RNF220: variants seen among roughly 807,000 people sequenced by gnomAD.
RNF220 encodes the protein E3 ubiquitin-protein ligase RNF220.
RNF220 carries 7 observed loss-of-function variants against 67.1 expected under a neutral mutation model. The ratio of observed to expected loss-of-function variants is 0.10; its 90% confidence interval spans 0.06 to 0.20. The LOEUF is 0.20. Ranked by LOEUF, RNF220 falls within the 10% of genes least tolerant of loss-of-function variation. The pLI, the probability that RNF220 is intolerant of heterozygous loss-of-function variation, is 1.00. For missense variants in RNF220, 565 were observed against 740.3 expected (o/e 0.76, Z 2.75); for synonymous variants, 270 against 283.2 (o/e 0.95, Z 0.47).
chr1:44,543,542 TGA>T (rs140500286), intron 2 of RNF220, among the ~76,000 whole-genome samples: 3 of 149,360 alleles, frequency 2.0e-5, no homozygotes, highest in Admixed American at 6.7e-5. Flanking sequence ...GCAGGGAGAA[TGA>T]GAGAGAGAGA....
chr1:44,650,009 G>A lies in RNF220; in HGVS notation c.1629+52G>A. The A allele has an allele frequency of 1.3e-6, 2 of 1,574,846 alleles. No individual in the cohort carries two copies. The highest frequency in any genetic ancestry group is 1.1e-5 in the South Asian group (1 of 89,594). ...GGGAGGCCGCTCCGGGCACTGCCCA[G>A]ATGTCTGTGCTTATGCCTGAGCCTG... On this transcript the variant is annotated intron_variant, in intron 14 of 14. Transcript: ENST00000361799. This position sits in a 1 kb window ranked among gnomAD's most constrained non-coding sequence, Gnocchi z 4.3.
chr1:44,590,875 TAGA>T (rs1666068305), intron 2 of RNF220, among the ~76,000 whole-genome samples: 1 of 152,208 alleles, frequency 6.6e-6, no homozygotes, highest in Non-Finnish European at 1.5e-5. Context: ...TACTGCCTCC[TAGA>T]AGAGTTAACC....
chr1:44,569,648 G>C (rs1664289049), intron 2 of RNF220, among the ~76,000 whole-genome samples: 1 of 152,184 alleles, frequency 6.6e-6, no homozygotes, highest in Non-Finnish European at 1.5e-5. Flanking sequence ...GCTGACTTAG[G>C]CACCAGCTCA....
In RNF220 at chr1:44,412,889, A is replaced by C. The variant is rs1481613286; in HGVS notation, c.625+167A>C. ...CTTTGCTTGTCTCTTATCAGTGAGC[A>C]CTGATAGTTCTTGAAATATTTTTCT... is the stretch of plus-strand genomic sequence containing the variant. On this transcript the variant is annotated intron_variant, in intron 2 of 14. Coordinates refer to ENST00000361799, the MANE Select transcript of RNF220 (RefSeq NM_018150.4). The surrounding 1 kb of genome is among the most constrained non-coding windows in gnomAD (Gnocchi z 5.3). Among the ~76,000 whole-genome samples the C allele has an allele frequency of 6.6e-6, 1 of 152,176 alleles. No individual in the cohort carries two copies. The highest frequency in any genetic ancestry group is 1.5e-5 in the Non-Finnish European group (1 of 68,026).
intron 2 of RNF220, among the ~76,000 whole-genome samples, chr1:44,474,284 A>C (rs1655082880): frequency 6.6e-6 from 1 of 151,804 alleles, no homozygotes; most frequent in South Asian, 2.1e-4. Flanking sequence ...CTGAGGCAGG[A>C]GAATCGCTTG....
At chr1:44,546,336 G>A (rs556239391) in intron 2 of RNF220, among the ~76,000 whole-genome samples, 4 of 152,118 alleles carry the variant, frequency 2.6e-5, no homozygotes, top group African/African-American at 9.7e-5. Context: ...GCATGGCTAG[G>A]ACTTCTACCT....
In RNF220 at chr1:44,636,139, C is replaced by G; in HGVS notation, c.1103C>G (p.Thr368Ser). The G allele has an allele frequency of 1.9e-6, 3 of 1,609,496 alleles. No individual in the cohort carries two copies. The highest frequency in any genetic ancestry group is 1.7e-6 in the Non-Finnish European group (2 of 1,176,468). Residue 368 changes from threonine (T) to serine (S), a missense_variant, in exon 8 of 15, where the codon ACT becomes AGT. Coordinates refer to ENST00000361799, the MANE Select transcript of RNF220 (RefSeq NM_018150.4). ...WCGQKRIRAT[T>S]LLEGGFRGSG... Reference sequence around the variant, plus strand: ...GGACAGAAGCGGATACGGGCCACCACTCTCCTGGAAGGTGGCTTCCGAGGT... The same window carrying G: ...GGACAGAAGCGGATACGGGCCACCAGTCTCCTGGAAGGTGGCTTCCGAGGT...
chr1:44,525,416 A>G (rs1303992391), intron 2 of RNF220, among the ~76,000 whole-genome samples: 3 of 152,224 alleles, frequency 2.0e-5, no homozygotes, highest in Non-Finnish European at 4.4e-5. Flanking sequence ...TTTTGAATGA[A>G]TGGTTGAATG....
intron 2 of RNF220, among the ~76,000 whole-genome samples, chr1:44,512,546 A>G (rs2148128450): frequency 6.6e-6 from 1 of 152,184 alleles, no homozygotes; most frequent in South Asian, 2.1e-4. Context: ...CATGGTAATG[A>G]TCCTAACTGA....
chr1:44,462,230 G>GAC (rs1278876902), intron 2 of RNF220, among the ~76,000 whole-genome samples: 2 of 150,892 alleles, frequency 1.3e-5, no homozygotes, highest in East Asian at 3.9e-4. Context: ...ACCACGCCTG[G>GAC]ACATATATAT....
chr1:44,422,616 A>G (rs1199445842), intron 2 of RNF220, among the ~76,000 whole-genome samples: 2 of 152,272 alleles, frequency 1.3e-5, no homozygotes, highest in South Asian at 4.1e-4. Flanking sequence ...TGTCCTCTTC[A>G]TGAGAAAGCT....
At position 44,534,176 on chromosome 1, in the gene RNF220, C is replaced by T. The variant is rs562576580; in HGVS notation, c.626-79989C>T. On this transcript the variant is annotated intron_variant, in intron 2 of 14. Transcript: ENST00000361799. ...CTTTTTGTGCATGGAGGTTGGGTTT[C>T]GCTATGTTGGCCAGGCTGGTCTCGA... is the stretch of plus-strand genomic sequence containing the variant. 3.3e-4 allele frequency among the ~76,000 whole-genome samples: 50 copies of T among 152,114 alleles called. No individual in the cohort carries two copies. The East Asian group carries it at 9.1e-3, about 28-fold the overall frequency.
intron 2 of RNF220, among the ~76,000 whole-genome samples, chr1:44,557,411 G>A (rs938952001): frequency 1.3e-5 from 2 of 151,118 alleles, no homozygotes; most frequent in African/African-American, 4.9e-5. Context: ...GAGAGAGGAA[G>A]GAAGGAAGGA....
intron 2 of RNF220, among the ~76,000 whole-genome samples, chr1:44,472,854 G>A (rs534230550): frequency 6.0e-4 from 92 of 152,292 alleles, no homozygotes; most frequent in African/African-American, 2.1e-3. Context: ...GCAGGGTGAC[G>A]GGATGGGTGC....
intron 2 of RNF220, among the ~76,000 whole-genome samples, chr1:44,415,827 G>A (rs779659208): frequency 1.3e-5 from 2 of 152,106 alleles, no homozygotes; most frequent in Non-Finnish European, 2.9e-5. Flanking sequence ...TACTGCTGCA[G>A]CCACCCCCTG....
chr1:44,420,906 C>G (rs1649138886), intron 2 of RNF220, among the ~76,000 whole-genome samples: 1 of 152,194 alleles, frequency 6.6e-6, no homozygotes, highest in African/African-American at 2.4e-5. Flanking sequence ...GGTGGTAAAA[C>G]CTTCCTTGTT....
chr1:44,459,049 G>T (rs1391162268), intron 2 of RNF220, among the ~76,000 whole-genome samples: 4 of 152,134 alleles, frequency 2.6e-5, no homozygotes, highest in Non-Finnish European at 5.9e-5. Context: ...ATCCAAGCCA[G>T]ACCTTTAATG....
At position 44,412,036 on chromosome 1, in the gene RNF220, G is replaced by A; in HGVS notation, c.-62G>A. ...TTCCCTGCCCTGACCCAAAGTGCTGGTTGGCCTCCCTCCCAGGGAAGACTG... is the reference window on the plus strand; with the variant it reads ...TTCCCTGCCCTGACCCAAAGTGCTGATTGGCCTCCCTCCCAGGGAAGACTG... On this transcript the variant is annotated 5_prime_UTR_variant, in exon 2 of 15. Coordinates refer to ENST00000361799, the MANE Select transcript of RNF220 (RefSeq NM_018150.4). This position sits in a 1 kb window ranked among gnomAD's most constrained non-coding sequence, Gnocchi z 5.3. 1 of 1,550,492 alleles carries A rather than the reference G, an allele frequency of 6.4e-7. No homozygotes were observed. The highest frequency in any genetic ancestry group is 1.4e-5 in the African/African-American group (1 of 73,234).
chr1:44,506,867 G>A (rs1453218849), intron 2 of RNF220, among the ~76,000 whole-genome samples: 2 of 152,140 alleles, frequency 1.3e-5, no homozygotes, highest in East Asian at 3.9e-4. Flanking sequence ...GGATTATTGG[G>A]GAGATCAAAA....
Sources: allele counts gnomAD v4.1 joint callset (sites outside exome capture counted in the v4.1 genomes callset), GRCh38; gene constraint gnomAD v4.1.1; non-coding constraint Gnocchi (gnomAD v3.1); transcripts MANE v1.5; gene names NCBI Gene and HGNC (gene_info 2026-07-23, HGNC 2026-07-21).